The following PPP2R3A variants were observed in gnomAD, a reference collection of about 807,000 sequenced individuals.
PPP2R3A encodes the protein serine/threonine-protein phosphatase 2A regulatory subunit B'' subunit alpha.
In PPP2R3A, 80 loss-of-function variants were observed where a neutral mutation model predicts 106.9. The observed-to-expected ratio is 0.75, with a 90% CI of 0.62 to 0.90. PPP2R3A has a LOEUF of 0.90. Ranked by LOEUF, PPP2R3A falls within the 40% of genes least tolerant of loss-of-function variation. The pLI, the probability that PPP2R3A is intolerant of heterozygous loss-of-function variation, is 0.00. For missense variants in PPP2R3A, 1,386 were observed against 1,350.4 expected (o/e 1.03, Z -0.41); for synonymous variants, 483 against 468.3 (o/e 1.03, Z -0.41).
chr3:136,106,926 C>CAAAAAAAAAAAAAA (rs36029618), intron 13 of PPP2R3A: 2 of 41,722 alleles, frequency 4.8e-5, no homozygotes, highest in African/African-American at 1.3e-4. Flanking sequence ...ACTCCGTCTC[C>CAAAAAAAAAAAAAA]AAAAAAAAAA....
chr3:136,021,215 G>A (rs985537735), intron 2 of PPP2R3A, among the ~76,000 whole-genome samples: 1 of 151,928 alleles, frequency 6.6e-6, no homozygotes, highest in Non-Finnish European at 1.5e-5. Flanking sequence ...TATTCTAGTC[G>A]GGAGTGTAAG....
chr3:136,078,332 G>A, intron 6 of PPP2R3A, 35 bp from the exon 7 acceptor site: 1 of 1,429,612 alleles, frequency 7.0e-7, no homozygotes, highest in Non-Finnish European at 9.8e-7. Flanking sequence ...GATCTTTAAT[G>A]TTTTTATTTG....
rs146105901 is a variant in PPP2R3A at position 136,068,801 on chromosome 3, G to A, written c.2470-1677G>A. ...GTGGAGAACGCAGCAGACACCACTT[G>A]AACTAAGTGTGATTAAAGTTAACAT... On this transcript the variant is annotated intron_variant, in intron 5 of 13. Transcript: ENST00000264977. 5.0e-4 allele frequency among the ~76,000 whole-genome samples: 75 copies of A among 150,722 alleles called. 1 individual carries two copies. The highest frequency in any genetic ancestry group is 1.8e-3 in the African/African-American group (73 of 40,060).
intron 10 of PPP2R3A, among the ~76,000 whole-genome samples, chr3:136,100,419 A>C (rs1217060414): frequency 2.0e-5 from 3 of 152,038 alleles, no homozygotes; most frequent in Admixed American, 6.6e-5. Context: ...TCACGCCTGT[A>C]ATCCCAGCAC....
chr3:136,016,745 G>C (rs879343328), intron 2 of PPP2R3A, among the ~76,000 whole-genome samples: 1 of 152,120 alleles, frequency 6.6e-6, no homozygotes, highest in African/African-American at 2.4e-5. Context: ...CAGATACTTG[G>C]TTGGTAAATT....
chr3:135,971,137 A>G (rs552578991), intron 1 of PPP2R3A, among the ~76,000 whole-genome samples: 10 of 152,134 alleles, frequency 6.6e-5, no homozygotes, highest in Non-Finnish European at 1.3e-4. Flanking sequence ...TATTTTTTCC[A>G]ATTAACTTGA....
At chr3:136,057,140 A>G (rs1935896360) in intron 5 of PPP2R3A, among the ~76,000 whole-genome samples, 2 of 152,126 alleles carry the variant, frequency 1.3e-5, no homozygotes, top group Non-Finnish European at 2.9e-5. Flanking sequence ...TGGAGGCATC[A>G]TGCTACTCAA....
At chr3:136,072,246 CATATA>C (rs1417930101) in intron 6 of PPP2R3A, among the ~76,000 whole-genome samples, 1 of 152,102 alleles carries the variant, frequency 6.6e-6, no homozygotes, top group Admixed American at 6.5e-5. Flanking sequence ...TATTCCCTGG[CATATA>C]ATAGACAGTC....
At chr3:136,039,828 A>G (rs910851231) in intron 3 of PPP2R3A, among the ~76,000 whole-genome samples, 1 of 152,086 alleles carries the variant, frequency 6.6e-6, no homozygotes, top group African/African-American at 2.4e-5. Context: ...CCCTTTTCAT[A>G]GAGAATTTTT....
intron 13 of PPP2R3A, among the ~76,000 whole-genome samples, chr3:136,127,548 G>A (rs1275271042): frequency 6.6e-6 from 1 of 152,202 alleles, no homozygotes; most frequent in Non-Finnish European, 1.5e-5. Context: ...TGGTGTACCT[G>A]AAACTGATGG....
Position 135,992,001 on chromosome 3 carries a change from G to A in PPP2R3A, c.-440-9058G>A, listed in dbSNP as rs188650245. Among the ~76,000 whole-genome samples the A allele has an allele frequency of 7.8e-3, 1,192 of 152,162 alleles. 5 individuals carry two copies. The highest frequency in any genetic ancestry group is 0.013 in the Non-Finnish European group (887 of 67,974). On this transcript the variant is annotated intron_variant, in intron 1 of 13. Coordinates refer to ENST00000264977, the MANE Select transcript of PPP2R3A (RefSeq NM_002718.5). The stretch of plus-strand genomic sequence containing the variant: ...ATGTATACACTTTCTTTGAGCATCA[G>A]AAAATCTTTTCTATAAGAGATGTTG...
chr3:136,048,735 A>T (rs1258625837), intron 4 of PPP2R3A, among the ~76,000 whole-genome samples: 3 of 152,142 alleles, frequency 2.0e-5, no homozygotes, highest in Non-Finnish European at 4.4e-5. Context: ...TTGGACAATG[A>T]CGTGATCAAA....
rs959857939 is a variant in PPP2R3A, at chr3:136,050,003, A to G, written c.2469+642A>G. The stretch of plus-strand genomic sequence containing the variant: ...GGTAGTGAGGAGAGTAAGAAACACT[A>G]AGAGAAAAAAAAGACCCAGAAGCTC... On this transcript the variant is annotated intron_variant, in intron 5 of 13. Transcript: ENST00000264977. Among the ~76,000 whole-genome samples the G allele has an allele frequency of 2.0e-5, 3 of 152,194 alleles. No homozygotes were observed. In the East Asian group the frequency reaches 5.8e-4, roughly 29 times the overall value.
intron 3 of PPP2R3A, among the ~76,000 whole-genome samples, chr3:136,034,877 G>A (rs999109885): frequency 2.0e-5 from 3 of 152,120 alleles, no homozygotes; most frequent in African/African-American, 7.2e-5. Context: ...AGGTCTATTA[G>A]TAATTGTTTT....
intron 1 of PPP2R3A, among the ~76,000 whole-genome samples, chr3:135,993,139 C>A (rs1315573009): frequency 6.6e-6 from 1 of 151,986 alleles, no homozygotes; most frequent in East Asian, 1.9e-4. Flanking sequence ...CTTCAAAAGC[C>A]ACTGCTAAGA....
intron 1 of PPP2R3A, among the ~76,000 whole-genome samples, chr3:135,992,016 A>G (rs1396720112): frequency 6.6e-6 from 1 of 152,170 alleles, no homozygotes; most frequent in Non-Finnish European, 1.5e-5. Flanking sequence ...TCTTTTCTAT[A>G]AGAGATGTTG....
intron 13 of PPP2R3A, among the ~76,000 whole-genome samples, chr3:136,132,011 A>C (rs1197755577): frequency 2.2e-4 from 2 of 9,298 alleles, no homozygotes; most frequent in Non-Finnish European, 4.1e-4. Flanking sequence ...AGGGCCTGTC[A>C]GGGGGTGGGG....
At chr3:136,108,101 T>A (rs866015020) in intron 13 of PPP2R3A, among the ~76,000 whole-genome samples, 6 of 152,212 alleles carry the variant, frequency 3.9e-5, no homozygotes, top group Middle Eastern at 6.8e-3. Context: ...TAGTCCCAGC[T>A]ACTCAGGAGG....
At chr3:136,097,023 T>G (rs1937231991) in intron 10 of PPP2R3A, among the ~76,000 whole-genome samples, 1 of 152,216 alleles carries the variant, frequency 6.6e-6, no homozygotes, top group Non-Finnish European at 1.5e-5. Flanking sequence ...GAAATATAAT[T>G]TGTCATTAAT....
Sources: gnomAD v4.1 joint callset for allele counts (sites outside exome capture counted in the v4.1 genomes callset) on GRCh38, gnomAD v4.1.1 for gene constraint, MANE v1.5 for transcripts, NCBI Gene and HGNC (gene_info 2026-07-23, HGNC 2026-07-21) for gene names.